Variants in BBS2 observed in about 807,000 individuals in gnomAD.
BBS2 encodes BBSome complex member BBS2.
Under a neutral mutation model 83.0 loss-of-function variants are expected in BBS2, and 62 were observed. The observed-to-expected ratio is 0.75, with a 90% CI of 0.61 to 0.92. The LOEUF is 0.92. Ranked by LOEUF, BBS2 falls within the 40% of genes least tolerant of loss-of-function variation. BBS2 has a pLI of 0.00. For synonymous variants in BBS2, 303 were observed against 326.1 expected, an observed-to-expected ratio of 0.93 and a Z score of 0.76; for missense variants, 784 against 901.0, an observed-to-expected ratio of 0.87 and a Z score of 1.66.
At chr16:56,495,589 T>C (rs1390712052) in intron 15 of BBS2, among the ~76,000 whole-genome samples, 1 of 152,198 alleles carries the variant, frequency 6.6e-6, no homozygotes, top group Non-Finnish European at 1.5e-5. Flanking sequence ...CCAAATCCAA[T>C]GTATGGACTT....
chr16:56,499,536 T>TTA (rs1462916172), intron 12 of BBS2: 2 of 464,672 alleles, frequency 4.3e-6, no homozygotes, highest in African/African-American at 4.0e-5. Context: ...AAGAGAGGAA[T>TTA]TAAACACTGG....
At position 56,498,468 on chromosome 16, in the gene BBS2, T is replaced by C. The variant is rs1203545095; in HGVS notation, c.1628A>G (p.His543Arg). Residue 543 changes from histidine to arginine, a missense_variant, in exon 13 of 17, where the codon CAC becomes CGC. Coordinates refer to ENST00000245157, the MANE Select transcript of BBS2 (RefSeq NM_031885.5). ...ACTAAGTTTTATTTTTATATGCAGGTGGCCGCCATTCCGTAAAGATGTGAA... is the reference window on the plus strand; with the variant it reads ...ACTAAGTTTTATTTTTATATGCAGGCGGCCGCCATTCCGTAAAGATGTGAA... Reference protein sequence around the residue: ...VCFTSLRNGGHLHIKIKLSGE... With the variant: ...VCFTSLRNGGRLHIKIKLSGE... The C allele has an allele frequency of 1.9e-6, 3 of 1,613,952 alleles. No individual in the cohort carries two copies. The African/African-American group carries it at 4.0e-5, about 22-fold the overall frequency.
At chr16:56,498,348 GA>G in intron 13 of BBS2, 88 bp downstream of exon 13, 1 of 1,531,216 alleles carries the variant, frequency 6.5e-7, no homozygotes, top group Non-Finnish European at 9.0e-7. Context: ...CACCACATGA[GA>G]AATCTATGCC....
intron 17 of BBS2, chr16:56,478,371 G>C (rs747938405): frequency 2.6e-5 from 4 of 152,162 alleles, no homozygotes; most frequent in Non-Finnish European, 2.9e-5. Context: ...ATGTTGGCCA[G>C]GCTGGAGACC....
At chr16:56,489,990 G>A (rs1348141985) in intron 15 of BBS2, among the ~76,000 whole-genome samples, 4 of 149,624 alleles carry the variant, frequency 2.7e-5, no homozygotes, top group Non-Finnish European at 5.9e-5. Context: ...GGTAGCACAC[G>A]CCTGTAGTCC....
At position 56,506,133 on chromosome 16, in the gene BBS2, T is replaced by C; in HGVS notation, c.704A>G (p.Tyr235Cys). The C allele has an allele frequency of 6.2e-7, 1 of 1,613,822 alleles. No individual in the cohort carries two copies. The highest frequency in any genetic ancestry group is 1.3e-5 in the African/African-American group (1 of 75,050). Residue 235 changes from tyrosine to cysteine, a missense_variant, in exon 6 of 17, where the codon TAC becomes TGC. Transcript: ENST00000245157. ...TVGVYDKTSR[Y>C]WRIKSKNHAM... ...AATTATACTAACTTTAATTCTCCAG[T>C]ATCGGGATGTTTTGTCATAAACTCC...
chr16:56,499,556 A>G, intron 12 of BBS2: 1 of 515,756 alleles, frequency 1.9e-6, no homozygotes, highest in African/African-American at 1.9e-5. Flanking sequence ...GTAAGAATTC[A>G]CCAATAACTG....
chr16:56,482,195 T>C (rs1321640993), downstream of BBS2, among the ~76,000 whole-genome samples: 2 of 152,182 alleles, frequency 1.3e-5, no homozygotes, highest in African/African-American at 4.8e-5. Context: ...CTAGAGATTT[T>C]AATCTCAAAT....
intron 11 of BBS2, chr16:56,500,112 T>A: frequency 1.8e-6 from 1 of 551,138 alleles, no homozygotes; most frequent in South Asian, 1.9e-5. Context: ...AGTCTACATA[T>A]ATACCTGCAT....
intron 1 of BBS2, among the ~76,000 whole-genome samples, chr16:56,517,301 C>G (rs558992422): frequency 5.3e-5 from 8 of 152,230 alleles, no homozygotes; most frequent in Non-Finnish European, 1.0e-4. Flanking sequence ...CTACAAGTTC[C>G]TATATGATCT....
At chr16:56,510,812 A>C (rs781160706) in intron 4 of BBS2, 47 bp downstream of exon 4, 123 of 1,602,714 alleles carry the variant, frequency 7.7e-5, no homozygotes, top group Non-Finnish European at 1.0e-4. Context: ...TCATGGCAAA[A>C]TTCATTTGGC....
chr16:56,490,895 G>A (rs1963931971), intron 15 of BBS2, among the ~76,000 whole-genome samples: 1 of 151,450 alleles, frequency 6.6e-6, no homozygotes, highest in African/African-American at 2.4e-5. Flanking sequence ...CCGAATAGCT[G>A]GGACTACAGG....
intron 2 of BBS2, 22 bp from the exon 3 acceptor site, chr16:56,511,306 A>G (rs1298321850): frequency 6.2e-7 from 1 of 1,613,230 alleles, no homozygotes; most frequent in Non-Finnish European, 8.5e-7. Context: ...AAAAGGACAC[A>G]TTATCTTAGA....
At position 56,498,530 on chromosome 16, in the gene BBS2, T is replaced by G. The variant is rs1245770303; in HGVS notation, c.1566A>C (p.Glu522Asp). 8 of 1,614,016 alleles carry G rather than the reference T, an allele frequency of 5.0e-6. No individual in the cohort carries two copies. Among genetic ancestry groups the G allele is most frequent in the East Asian group, 2.2e-5 (1 of 44,870 alleles). ...VWLGQNFLLP[E>D]DTHIQNAPFQ... ...ATGGAGCATTCTGAATGTGAGTGTCTTCTGGTAACAGAAAGTTCTGACCGA... is the reference window on the plus strand; with the variant it reads ...ATGGAGCATTCTGAATGTGAGTGTCGTCTGGTAACAGAAAGTTCTGACCGA... The change falls in exon 13 of 17, where the codon GAA (glutamate) becomes GAC (aspartate). Residue 522 changes from glutamate to aspartate, a missense_variant. Glu to Asp is a conservative substitution (Grantham distance 45). Coordinates refer to ENST00000245157, the MANE Select transcript of BBS2 (RefSeq NM_031885.5).
chr16:56,483,247 A>G (rs986839852), downstream of BBS2, among the ~76,000 whole-genome samples: 22 of 152,254 alleles, frequency 1.4e-4, no homozygotes, highest in Admixed American at 1.3e-4. Context: ...GTAAAAATAC[A>G]GTATTATAAT....
intron 11 of BBS2, chr16:56,500,204 T>A: frequency 2.7e-6 from 1 of 375,984 alleles, no homozygotes; most frequent in African/African-American, 2.1e-5. Flanking sequence ...CTTCACTAGC[T>A]GAGGTTATGT....
At chr16:56,500,437 C>T (rs1964234506) in intron 11 of BBS2, 1 of 250,384 alleles carries the variant, frequency 4.0e-6, no homozygotes, top group South Asian at 4.8e-5. Context: ...ACCAGCCTGG[C>T]CAACATGGTG....
At chr16:56,507,394 G>C (rs1201902795) in intron 5 of BBS2, among the ~76,000 whole-genome samples, 1 of 152,030 alleles carries the variant, frequency 6.6e-6, no homozygotes, top group African/African-American at 2.4e-5. Context: ...CTCTTTTCTA[G>C]GATTTAGGAA....
rs187752740 is a variant in BBS2 at position 56,473,056 on chromosome 16, G to A, written c.*1-2361C>T. On this transcript the variant is annotated intron_variant, in intron 17 of 17. Transcript: ENST00000682047. ...AGCGATTCTCCTGCCTCAGCCTCCC[G>A]AGTAGCTGGGACTACAGGCGCATGC... Among the ~76,000 whole-genome samples the A allele has an allele frequency of 2.9e-3, 443 of 152,132 alleles. 2 individuals are homozygous for A. The highest frequency in any genetic ancestry group is 0.01 in the African/African-American group (423 of 41,496).
Sources: gnomAD v4.1 joint callset for allele counts (sites outside exome capture counted in the v4.1 genomes callset) on GRCh38, gnomAD v4.1.1 for gene constraint, MANE v1.5 for transcripts, NCBI Gene and HGNC (gene_info 2026-07-23, HGNC 2026-07-21) for gene names.